SLC9A4: variants seen among roughly 807,000 people sequenced by gnomAD.
The protein encoded by SLC9A4 is sodium/hydrogen exchanger 4.
Under a neutral mutation model 67.4 loss-of-function variants are expected in SLC9A4, and 63 were observed. The observed-to-expected ratio is 0.93, with a 90% CI of 0.76 to 1.15. The LOEUF (loss-of-function observed/expected upper bound fraction) is 1.15. SLC9A4 is among the 50% of genes most tolerant of loss of function. The pLI, the probability that SLC9A4 is intolerant of heterozygous loss-of-function variation, is 0.00. For synonymous variants in SLC9A4, 393 were observed against 367.2 expected (o/e 1.07, Z -0.80); for missense variants, 1,089 against 987.7 (o/e 1.10, Z -1.38).
At chr2:102,478,526 A>G (rs1278465885) in intron 1 of SLC9A4, among the ~76,000 whole-genome samples, 1 of 152,158 alleles carries the variant, frequency 6.6e-6, no homozygotes, top group Non-Finnish European at 1.5e-5. Context: ...CACGAGTGCA[A>G]AAGTTTCACC....
chr2:102,486,567 A>G (rs1684593154), intron 2 of SLC9A4, among the ~76,000 whole-genome samples: 1 of 152,060 alleles, frequency 6.6e-6, no homozygotes, highest in Non-Finnish European at 1.5e-5. Context: ...GATTCCAAGG[A>G]TGGGAGCCAA....
chr2:102,489,411 G>A (rs1204193108), intron 2 of SLC9A4, among the ~76,000 whole-genome samples: 2 of 152,186 alleles, frequency 1.3e-5, no homozygotes, highest in African/African-American at 4.8e-5. Context: ...TAGAGCCTGG[G>A]CCAGAGCTCA....
chr2:102,489,268 T>C (rs1684650593), intron 2 of SLC9A4, among the ~76,000 whole-genome samples: 1 of 152,140 alleles, frequency 6.6e-6, no homozygotes, highest in African/African-American at 2.4e-5. Flanking sequence ...GGTGGGTTCT[T>C]GGATGGCACC....
chr2:102,483,870 C>A (rs903363342), intron 2 of SLC9A4, among the ~76,000 whole-genome samples: 1 of 144,152 alleles, frequency 6.9e-6, no homozygotes, highest in African/African-American at 2.6e-5. Flanking sequence ...CACACATGCA[C>A]ATATATACAT....
chr2:102,479,299 T>C lies in SLC9A4; in HGVS notation c.717T>C (p.Thr239=). Residue 239 remains threonine, a synonymous_variant, in exon 2 of 12, where the codon ACT becomes ACC. Coordinates refer to ENST00000295269, the MANE Select transcript of SLC9A4 (RefSeq NM_001011552.4). ...FGEALLNDGI[T]VVLYNMLIAF... Reference sequence around the variant, plus strand: ...AGGCCCTGCTCAATGATGGCATTACTGTGGTGAGATGTCATGTGCCCGCCC... The same window carrying C: ...AGGCCCTGCTCAATGATGGCATTACCGTGGTGAGATGTCATGTGCCCGCCC... 1.2e-6 allele frequency: 2 copies of C among 1,602,796 alleles called. No individual in the cohort carries two copies. The highest frequency in any genetic ancestry group is 8.5e-7 in the Non-Finnish European group (1 of 1,173,990).
At chr2:102,522,905 A>G (rs1023733194) in intron 9 of SLC9A4, among the ~76,000 whole-genome samples, 1 of 152,110 alleles carries the variant, frequency 6.6e-6, no homozygotes, top group Non-Finnish European at 1.5e-5. Flanking sequence ...TTCCATTGGG[A>G]GAAGGAGAAA....
At chr2:102,479,528 G>C (rs1300097215) in intron 2 of SLC9A4, among the ~76,000 whole-genome samples, 2 of 152,160 alleles carry the variant, frequency 1.3e-5, no homozygotes, top group African/African-American at 2.4e-5. Flanking sequence ...AACTAGTTTC[G>C]TTAAAGAGTG....
intron 2 of SLC9A4, among the ~76,000 whole-genome samples, chr2:102,481,359 A>G (rs998197666): frequency 2.0e-5 from 3 of 152,146 alleles, no homozygotes; most frequent in Admixed American, 6.5e-5. Flanking sequence ...AGGATTTCTC[A>G]TGTTTGTTTT....
chr2:102,497,236 C>T (rs1240503234), intron 2 of SLC9A4, among the ~76,000 whole-genome samples: 2 of 152,182 alleles, frequency 1.3e-5, no homozygotes, highest in African/African-American at 2.4e-5. Flanking sequence ...CCTGGCCTGA[C>T]ATGATGACTT....
At chr2:102,476,365 A>C (rs1251351764) in intron 1 of SLC9A4, among the ~76,000 whole-genome samples, 1 of 152,218 alleles carries the variant, frequency 6.6e-6, no homozygotes, top group African/African-American at 2.4e-5. Context: ...TGAAACTGTA[A>C]ATTTTAAATG....
intron 2 of SLC9A4, among the ~76,000 whole-genome samples, chr2:102,485,925 C>A (rs1684579272): frequency 6.6e-6 from 1 of 152,088 alleles, no homozygotes; most frequent in Admixed American, 6.6e-5. Flanking sequence ...AGGGAAGAGT[C>A]CCAGGGTCCT....
chr2:102,528,476 G>A (rs543422676), intron 11 of SLC9A4, among the ~76,000 whole-genome samples: 60 of 151,818 alleles, frequency 4.0e-4, no homozygotes, highest in Non-Finnish European at 6.9e-4. Flanking sequence ...ATGTTGCCCA[G>A]GCTGATCTCT....
rs569021430 is a variant in SLC9A4, at chr2:102,493,219, C to A, written c.721-10229C>A. On this transcript the variant is annotated intron_variant, in intron 2 of 11. Coordinates refer to ENST00000295269, the MANE Select transcript of SLC9A4 (RefSeq NM_001011552.4). ...TGAGCCCTTCAAATTGTTCCAAATT[C>A]TGCCTGTTACCCAGTTCCAAAGTCA... Among the ~76,000 whole-genome samples, 5 of 149,450 alleles carry A rather than the reference C, an allele frequency of 3.3e-5. No individual in the cohort carries two copies. The South Asian group carries it at 1.0e-3, about 31-fold the overall frequency.
Position 102,533,327 on chromosome 2 carries a change from G to T in SLC9A4, c.*639G>T, listed in dbSNP as rs895381587. 3.3e-5 allele frequency: 5 copies of T among 152,210 alleles called. No individual in the cohort carries two copies. Among genetic ancestry groups the T allele is most frequent in the African/African-American group, 1.2e-4 (5 of 41,482 alleles). The allele number at this position is 152,210 out of a possible 1,614,324, so 9.4% of individuals were successfully genotyped here. On this transcript the variant is annotated 3_prime_UTR_variant, in exon 12 of 12. Coordinates refer to ENST00000295269, the MANE Select transcript of SLC9A4 (RefSeq NM_001011552.4). ...ATTAATCTGTGAACAATGGGTTTACGGTCTATTTCATAATTGAAATATTTA... is the reference window on the plus strand; with the variant it reads ...ATTAATCTGTGAACAATGGGTTTACTGTCTATTTCATAATTGAAATATTTA...
At chr2:102,529,145 A>T (rs1254129579) in intron 11 of SLC9A4, among the ~76,000 whole-genome samples, 1 of 152,232 alleles carries the variant, frequency 6.6e-6, no homozygotes, top group Non-Finnish European at 1.5e-5. Flanking sequence ...GTAAATACAG[A>T]TGTTCTTGGA....
At chr2:102,484,195 G>T (rs1315339732) in intron 2 of SLC9A4, among the ~76,000 whole-genome samples, 1 of 152,078 alleles carries the variant, frequency 6.6e-6, no homozygotes, top group African/African-American at 2.4e-5. Context: ...AACTGCACAA[G>T]GACACACTGC....
intron 2 of SLC9A4, among the ~76,000 whole-genome samples, chr2:102,486,526 G>T (rs1684592535): frequency 6.6e-6 from 1 of 152,132 alleles, no homozygotes; most frequent in Non-Finnish European, 1.5e-5. Flanking sequence ...TCTTTTCCTT[G>T]TCTTCTTTAT....
In SLC9A4 at chr2:102,504,823, G is replaced by T. The variant is rs138647280; in HGVS notation, c.981-431G>T. 3.4e-3 allele frequency among the ~76,000 whole-genome samples: 516 copies of T among 152,284 alleles called. 5 individuals are homozygous for T. Among genetic ancestry groups the T allele is most frequent in the African/African-American group, 0.011 (474 of 41,564 alleles). On this transcript the variant is annotated intron_variant, in intron 3 of 11. Transcript: ENST00000295269. ...AATAAAGCCAATAAAAAAGAACCTT[G>T]CATTGTCTTAGAAGTTTTGATCATT...
intron 2 of SLC9A4, among the ~76,000 whole-genome samples, chr2:102,485,012 G>A (rs1329689246): frequency 6.6e-6 from 1 of 152,146 alleles, no homozygotes; most frequent in Admixed American, 6.5e-5. Context: ...ACCTTGATGG[G>A]TGCTTCATGC....
Sources: gnomAD v4.1 joint callset for allele counts (sites outside exome capture counted in the v4.1 genomes callset) on GRCh38, gnomAD v4.1.1 for gene constraint, MANE v1.5 for transcripts, NCBI Gene and HGNC (gene_info 2026-07-23, HGNC 2026-07-21) for gene names.